ZNF107: variants seen among roughly 807,000 people sequenced by gnomAD.
ZNF107 encodes the protein C2H2 type zinc-finger protein.
Under a neutral mutation model 12.3 loss-of-function variants are expected in ZNF107, and 19 were observed. That is an observed-to-expected ratio of 1.55 (90% CI 1.08 to 2.27). The LOEUF is 2.27. Ranked by LOEUF, ZNF107 falls within the 30% of genes most tolerant of loss-of-function variation. The probability of loss-of-function intolerance (pLI) is 0.00; values close to 1 mark genes in which losing one functional copy is unlikely to be tolerated. For synonymous variants in ZNF107, 317 were observed against 330.5 expected (o/e 0.96, Z 0.44); for missense variants, 958 against 979.9 (o/e 0.98, Z 0.30).
intron 1 of ZNF107, among the ~76,000 whole-genome samples, chr7:64,669,819 A>T (rs1025027485): frequency 6.6e-6 from 1 of 152,198 alleles, no homozygotes; most frequent in African/African-American, 2.4e-5. Flanking sequence ...TCCTTCCCAT[A>T]TATAAATACT....
At position 64,684,626 on chromosome 7, in the gene ZNF107, C is replaced by T. The variant is rs368842775; in HGVS notation, c.4-6622C>T. On this transcript the variant is annotated intron_variant, in intron 1 of 3. Coordinates refer to ENST00000620827, the MANE Select transcript of ZNF107 (RefSeq NM_001282359.2). ...GAAACTTAAATGTCCTGCTCCTGTC[C>T]GCCCTGCTTCTTCACCCTCTTCCTC... 3.8e-4 allele frequency: 375 copies of T among 985,380 alleles called. 1 individual carries two copies. The Middle Eastern group carries it at 9.4e-3, about 25-fold the overall frequency. 61.0% of individuals were successfully genotyped at this position (985,380 alleles called of 1,614,324 possible).
intron 2 of ZNF107, 44 bp downstream of exon 2, chr7:64,691,418 T>C: frequency 1.5e-6 from 2 of 1,356,214 alleles, no homozygotes; most frequent in East Asian, 6.2e-5. Flanking sequence ...ACCCTTAAAG[T>C]TTTATTTCTC....
At chr7:64,686,568 C>T in intron 1 of ZNF107, 1 of 985,402 alleles carries the variant, frequency 1.0e-6, no homozygotes, top group Non-Finnish European at 1.2e-6. Context: ...AATGTCATAT[C>T]CCACAAATAT....
chr7:64,706,075 T>C (rs528132430), intron 3 of ZNF107, among the ~76,000 whole-genome samples: 23 of 152,288 alleles, frequency 1.5e-4, no homozygotes, highest in African/African-American at 5.3e-4. Flanking sequence ...GTCTCTTTCT[T>C]CTATGTGGCT....
At chr7:64,679,288 C>T (rs1249440289) in intron 1 of ZNF107, 3 of 985,112 alleles carry the variant, frequency 3.0e-6, no homozygotes, top group South Asian at 9.4e-5. Flanking sequence ...CCCGCGACCT[C>T]GGTACCTCGG....
intron 1 of ZNF107, among the ~76,000 whole-genome samples, chr7:64,667,497 C>G (rs1047387596): frequency 6.6e-6 from 1 of 152,174 alleles, no homozygotes; most frequent in African/African-American, 2.4e-5. Flanking sequence ...GTTTTTGGGT[C>G]AAGGTTTCCC....
chr7:64,697,380 G>A (rs914221095), intron 3 of ZNF107, among the ~76,000 whole-genome samples: 33 of 152,144 alleles, frequency 2.2e-4, no homozygotes, highest in African/African-American at 8.0e-4. Flanking sequence ...CTAGATCCCT[G>A]AGGAATCGCC....
chr7:64,708,262 G>T lies in ZNF107; in HGVS notation c.2165G>T (p.Arg722Ile). The change falls in exon 4 of 4, where the codon AGA becomes ATA. Residue 722 changes from arginine (R) to isoleucine (I), a missense_variant. By Grantham distance (97) the Arg-to-Ile change is moderately conservative. Transcript: ENST00000620827. ...TTTAACTGCTCCTCAACCCTTAATA[G>T]ACATAAGATAATTCATACTGGAGAG... The part of the protein sequence containing the change: ...KAFNCSSTLN[R>I]HKIIHTGEKP... 1 of 1,612,126 alleles carries T rather than the reference G, an allele frequency of 6.2e-7. No homozygotes were observed. Among genetic ancestry groups the T allele is most frequent in the Non-Finnish European group, 8.5e-7 (1 of 1,179,384 alleles).
At position 64,707,791 on chromosome 7, in the gene ZNF107, A is replaced by G. The variant is rs781259074; in HGVS notation, c.1694A>G (p.Tyr565Cys). The G allele has an allele frequency of 1.4e-5, 22 of 1,612,034 alleles. No homozygotes were observed. The highest frequency in any genetic ancestry group is 1.4e-5 in the Non-Finnish European group (17 of 1,179,426). Residue 565 changes from tyrosine to cysteine, a missense_variant, in exon 4 of 4, where the codon TAT becomes TGT. Coordinates refer to ENST00000620827, the MANE Select transcript of ZNF107 (RefSeq NM_001282359.2). The stretch of plus-strand genomic sequence containing the variant: ...AGAATTCATACTGGAGAAAAACCCT[A>G]TAAATGTGAAGAATGTGGAAAAGCC... ...HKRIHTGEKPYKCEECGKAFN... is the reference protein window; with the variant it reads ...HKRIHTGEKPCKCEECGKAFN...
Position 64,706,406 on chromosome 7 carries a change from C to T in ZNF107, c.309C>T (p.Tyr103=), listed in dbSNP as rs139061817. 8.5e-4 allele frequency: 1,372 copies of T among 1,612,576 alleles called. 7 individuals carry two copies. Among genetic ancestry groups the T allele is most frequent in the Middle Eastern group, 2.3e-3 (14 of 6,060 alleles). ...TCCAGAAAGTGACACTGAGAAGATA[C>T]GGAAAATGTGAATATGAGAATTTAC... is the stretch of plus-strand genomic sequence containing the variant. ...DSFQKVTLRR[Y]GKCEYENLQL... Residue 103 remains tyrosine (Y), a synonymous_variant, in exon 4 of 4, where the codon TAC becomes TAT. Transcript: ENST00000620827.
Position 64,708,932 on chromosome 7 carries a change from TA to T in ZNF107, c.*278del, listed in dbSNP as rs1562850182. ...ACTGATCCTCAACTTTTACTAAACA[TA>T]AGGTAATTCATACTGGAGAAAAGCC... On this transcript the variant is annotated 3_prime_UTR_variant, in exon 4 of 4. Coordinates refer to ENST00000620827, the MANE Select transcript of ZNF107 (RefSeq NM_001282359.2). 1.9e-6 allele frequency: 1 copy of T among 536,920 alleles called. No individual in the cohort carries two copies. Among genetic ancestry groups the T allele is most frequent in the Non-Finnish European group, 3.4e-6 (1 of 295,154 alleles). 33.3% of individuals were successfully genotyped at this position (536,920 alleles called of 1,614,324 possible). A position where few individuals can be genotyped will look rare whatever the true frequency, so the allele number is the denominator to read the frequency against.
intron 3 of ZNF107, among the ~76,000 whole-genome samples, chr7:64,696,327 C>A (rs1410816911): frequency 6.6e-6 from 1 of 151,820 alleles, no homozygotes; most frequent in Non-Finnish European, 1.5e-5. Context: ...GGATTACAGG[C>A]ATGAGCCACC....
intron 3 of ZNF107, among the ~76,000 whole-genome samples, chr7:64,701,962 C>T (rs1410286887): frequency 1.3e-5 from 2 of 152,196 alleles, no homozygotes; most frequent in South Asian, 4.1e-4. Flanking sequence ...AATGAAGCTA[C>T]TATTATCATT....
chr7:64,675,009 G>A (rs1789367900), intron 1 of ZNF107, among the ~76,000 whole-genome samples: 1 of 152,144 alleles, frequency 6.6e-6, no homozygotes, highest in South Asian at 2.1e-4. Flanking sequence ...CAATTTGCCA[G>A]TATTTTGCTG....
At position 64,707,206 on chromosome 7, in the gene ZNF107, A is replaced by C; in HGVS notation, c.1109A>C (p.Lys370Thr). 2 of 1,613,664 alleles carry C rather than the reference A, an allele frequency of 1.2e-6. No homozygotes were observed. The highest frequency in any genetic ancestry group is 1.7e-6 in the Non-Finnish European group (2 of 1,179,792). The change falls in exon 4 of 4, where the codon AAA (lysine) becomes ACA (threonine). Residue 370 changes from lysine (K) to threonine (T), a missense_variant. Transcript: ENST00000620827. ...ATTCATACTGGAGGGAAACTCAACA[A>C]ATGTGAAGAATGTGACAAAGCTTTT... ...EKIHTGGKLNKCEECDKAFNR... is the reference protein window; with the variant it reads ...EKIHTGGKLNTCEECDKAFNR...
At position 64,690,750 on chromosome 7, in the gene ZNF107, CT is replaced by C. The variant is rs951554940; in HGVS notation, c.4-488del. The stretch of plus-strand genomic sequence containing the variant: ...CTTTTATCCTATACATTTTTTTATT[CT>C]TTTTTTTTTGAGACAGAGTCTCACT... On this transcript the variant is annotated intron_variant, in intron 1 of 3. Coordinates refer to ENST00000620827, the MANE Select transcript of ZNF107 (RefSeq NM_001282359.2). Among the ~76,000 whole-genome samples the C allele has an allele frequency of 8.8e-5, 13 of 148,496 alleles. No homozygotes were observed. The East Asian group carries it at 1.4e-3, about 16-fold the overall frequency.
intron 1 of ZNF107, chr7:64,686,602 A>T: frequency 2.0e-6 from 2 of 985,450 alleles, no homozygotes; most frequent in Non-Finnish European, 2.4e-6. Flanking sequence ...CCAGCAGGCC[A>T]TTATTGACGG....
intron 1 of ZNF107, chr7:64,690,483 T>C: frequency 1.0e-6 from 1 of 981,464 alleles, no homozygotes; most frequent in Non-Finnish European, 1.2e-6. Context: ...GAGTGGTTGC[T>C]AACAATTCCC....
At chr7:64,682,721 C>G (rs1243514691) in intron 1 of ZNF107, among the ~76,000 whole-genome samples, 1 of 152,106 alleles carries the variant, frequency 6.6e-6, no homozygotes, top group Non-Finnish European at 1.5e-5. Context: ...CTGGTTACAC[C>G]CCAGTTACCC....
Sources: allele counts gnomAD v4.1 joint callset (sites outside exome capture counted in the v4.1 genomes callset), GRCh38; gene constraint gnomAD v4.1.1; transcripts MANE v1.5; gene names NCBI Gene and HGNC (gene_info 2026-07-23, HGNC 2026-07-21).